The following GUCY2D variants were observed in gnomAD, a reference collection of about 807,000 sequenced individuals.
GUCY2D encodes guanylate cyclase 2D, retinal.
GUCY2D carries 70 observed loss-of-function variants against 101.3 expected under a neutral mutation model. The observed-to-expected ratio is 0.69, with a 90% CI of 0.57 to 0.84. The LOEUF is 0.84. Ranked by LOEUF, GUCY2D falls within the 40% of genes least tolerant of loss-of-function variation. GUCY2D has a pLI of 0.00. For missense variants in GUCY2D, 1,460 were observed against 1,542.5 expected (o/e 0.95, Z 0.90); for synonymous variants, 688 against 670.7 (o/e 1.03, Z -0.40).
At chr17:8,017,980 C>A (rs558231853) in intron 19 of GUCY2D, among the ~76,000 whole-genome samples, 6 of 152,210 alleles carry the variant, frequency 3.9e-5, no homozygotes, top group Non-Finnish European at 8.8e-5. Context: ...AGGTGTGAGA[C>A]ACCGCGCCTG....
chr17:8,007,358 G>T, intron 5 of GUCY2D, 68 bp from the exon 6 acceptor site: 2 of 1,112,062 alleles, frequency 1.8e-6, no homozygotes, highest in Non-Finnish European at 1.4e-6. Context: ...TCCCTCCCCC[G>T]CATCCCCTGC....
rs1268298152 is a variant in GUCY2D, at chr17:8,004,558, C to CTAGCTTT, written c.1026+403_1026+404insAGCTTTT. Among the ~76,000 whole-genome samples the CTAGCTTT allele has an allele frequency of 2.8e-4, 43 of 152,228 alleles. No individual in the cohort carries two copies. In the South Asian group the frequency reaches 8.5e-3, roughly 30 times the overall value. On this transcript the variant is annotated intron_variant, in intron 3 of 19. Coordinates refer to ENST00000254854, the MANE Select transcript of GUCY2D (RefSeq NM_000180.4). ...AGTTCAGAGGTATTTCCTCTGGGGC[C>CTAGCTTT]TCATCTGGTGGTCTTAGCTTTTCAA...
In GUCY2D at chr17:8,008,024, G is replaced by A. The variant is rs1975779836; in HGVS notation, c.1660G>A (p.Val554Ile). The part of the protein sequence containing the change: ...SQHLDSPNIG[V>I]YEGDRVWLKK... ...ACACTTGGACAGCCCCAACATTGGTGTCTATGAGGTGAGCCTGACCCCAGC... is the reference window on the plus strand; with the variant it reads ...ACACTTGGACAGCCCCAACATTGGTATCTATGAGGTGAGCCTGACCCCAGC... Residue 554 changes from valine (V) to isoleucine (I), a missense_variant, in exon 7 of 20, where the codon GTC becomes ATC. By Grantham distance (29) the Val-to-Ile change is conservative (BLOSUM62 3). Around this residue, in one of 3 missense-constraint regions of GUCY2D, gnomAD observed 1,196 missense variants for 1,229.6 expected, o/e 0.97. Coordinates refer to ENST00000254854, the MANE Select transcript of GUCY2D (RefSeq NM_000180.4). The A allele has an allele frequency of 1.2e-6, 2 of 1,603,252 alleles. No homozygotes were observed. Among genetic ancestry groups the A allele is most frequent in the Non-Finnish European group, 1.7e-6 (2 of 1,170,352 alleles).
intron 3 of GUCY2D, among the ~76,000 whole-genome samples, chr17:8,005,224 C>A (rs1167689200): frequency 6.6e-6 from 1 of 152,202 alleles, no homozygotes; most frequent in Admixed American, 6.5e-5. Flanking sequence ...TGTCACTGCC[C>A]TGATTCAGGC....
Position 8,007,937 on chromosome 17 carries a change from C to A in GUCY2D, c.1573C>A (p.Gln525Lys), listed in dbSNP as rs1168076308. The A allele has an allele frequency of 1.2e-6, 2 of 1,609,010 alleles. No individual in the cohort carries two copies. Among genetic ancestry groups the A allele is most frequent in the Admixed American group, 3.3e-5 (2 of 60,008 alleles). Residue 525 changes from glutamine to lysine, a missense_variant, in exon 7 of 20, where the codon CAG (glutamine) becomes AAG (lysine). By Grantham distance (53) the Gln-to-Lys change is moderately conservative (BLOSUM62 1). Coordinates refer to ENST00000254854, the MANE Select transcript of GUCY2D (RefSeq NM_000180.4). ...ATTGACCTCTACCTGCTAGGTGGCC[C>A]AGGGGAGTCGATCAAGTCTGGGTGC... ...PHGGTSRKVA[Q>K]GSRSSLGARS... is the part of the protein sequence containing the mutation.
Position 8,013,631 on chromosome 17 carries a change from T to C in GUCY2D, c.2264-249T>C. 1 of 590,290 alleles carries C rather than the reference T, an allele frequency of 1.7e-6. No homozygotes were observed. The highest frequency in any genetic ancestry group is 3.0e-6 in the Non-Finnish European group (1 of 330,918). 36.6% of individuals were successfully genotyped at this position (590,290 alleles called of 1,614,324 possible). A position where few individuals can be genotyped will look rare whatever the true frequency, so the allele number is the denominator to read the frequency against. On this transcript the variant is annotated intron_variant, in intron 11 of 19. Transcript: ENST00000254854. The surrounding 1 kb of genome is among the most constrained non-coding windows in gnomAD (Gnocchi z 5.0). ...TCACCTATCCCTCACTTGTCTTACA[T>C]ACAATATGTTAGTTTCTTTGCCTAT... is the stretch of plus-strand genomic sequence containing the variant.
chr17:8,006,246 G>A, intron 3 of GUCY2D, 117 bp from the exon 4 acceptor site: 1 of 781,728 alleles, frequency 1.3e-6, no homozygotes, highest in Non-Finnish European at 2.2e-6. Context: ...GGGATCCTGG[G>A]AACAACTAAC....
In GUCY2D at chr17:8,006,651, G is replaced by A. The variant is rs140638938; in HGVS notation, c.1315G>A (p.Gly439Arg). ...SAGTRMHFPR[G>R]GSAPGPDPSC... ...CGGTACCCGGATGCACTTCCCGCGT[G>A]GGGGATCAGCACCCGGACCTGACCC... The change falls in exon 4 of 20, where the codon GGG becomes AGG. Residue 439 changes from glycine (G) to arginine (R), a missense_variant. By Grantham distance (125) the Gly-to-Arg change is moderately radical. Around this residue, in one of 3 missense-constraint regions of GUCY2D, gnomAD observed 1,196 missense variants for 1,229.6 expected, o/e 0.97. Coordinates refer to ENST00000254854, the MANE Select transcript of GUCY2D (RefSeq NM_000180.4). The A allele has an allele frequency of 1.8e-4, 287 of 1,612,710 alleles. 4 individuals are homozygous for A. In the South Asian group the frequency reaches 2.1e-3, roughly 12 times the overall value.
chr17:8,016,509 G>A lies in GUCY2D; in HGVS notation c.3291G>A (p.Ala1097=), dbSNP rs1490101887. 5.7e-6 allele frequency: 9 copies of A among 1,573,472 alleles called. No homozygotes were observed. The highest frequency in any genetic ancestry group is 2.7e-5 in the African/African-American group (2 of 74,182). ...AGCGGCGACGGAAGCTGGAGAAGGC[G>A]CGGCCGGGCCAGTTCTCTTGAGAAG... ...PPERRRKLEK[A]RPGQFS The change falls in exon 19 of 20, where the codon GCG becomes GCA. Residue 1097 remains alanine (A), a synonymous_variant. Coordinates refer to ENST00000254854, the MANE Select transcript of GUCY2D (RefSeq NM_000180.4).
In GUCY2D at chr17:8,014,988, G is replaced by A. The variant is rs751882664; in HGVS notation, c.2706G>A (p.Val902=). ...CCATGAGTGAGCCCATTGAGGTTGT[G>A]GACCTGCTCAACGATCTCTACACAC... ...ISAMSEPIEV[V]DLLNDLYTLF... is the part of the protein sequence containing the mutation. The change falls in exon 14 of 20, where the codon GTG becomes GTA. Residue 902 remains valine, a synonymous_variant. Transcript: ENST00000254854. The surrounding 1 kb of genome is among the most constrained non-coding windows in gnomAD (Gnocchi z 4.0). 6.2e-7 allele frequency: 1 copy of A among 1,605,870 alleles called. No homozygotes were observed. The highest frequency in any genetic ancestry group is 1.1e-5 in the South Asian group (1 of 90,142).
Position 8,006,371 on chromosome 17 carries a change from A to C in GUCY2D, c.1035A>C (p.Pro345=). 1 of 1,599,920 alleles carries C rather than the reference A, an allele frequency of 6.3e-7. No individual in the cohort carries two copies. Among genetic ancestry groups the C allele is most frequent in the Non-Finnish European group, 8.5e-7 (1 of 1,179,804 alleles). The change falls in exon 4 of 20, where the codon CCA becomes CCC. Residue 345 remains proline (P), a synonymous_variant. Coordinates refer to ENST00000254854, the MANE Select transcript of GUCY2D (RefSeq NM_000180.4). ...CTACTCTCCTTCTCCAGGTCTCCCC[A>C]CTCTTTGGCACCATCTATGACGCGG... The part of the protein sequence containing the change: ...PSDLNLQQVS[P]LFGTIYDAVF...
At chr17:8,005,079 C>G (rs1975713256) in intron 3 of GUCY2D, among the ~76,000 whole-genome samples, 1 of 152,150 alleles carries the variant, frequency 6.6e-6, no homozygotes, top group Non-Finnish European at 1.5e-5. Context: ...TCTCCACTGC[C>G]CAAACTGCGC....
At chr17:8,018,727 G>A (rs1040241172) in intron 19 of GUCY2D, among the ~76,000 whole-genome samples, 9 of 151,992 alleles carry the variant, frequency 5.9e-5, no homozygotes, top group Non-Finnish European at 7.4e-5. Context: ...GAGACACCAA[G>A]ATTTTTTGAA....
At position 8,006,593 on chromosome 17, in the gene GUCY2D, G is replaced by T. The variant is rs202111469; in HGVS notation, c.1257G>T (p.Met419Ile). The T allele has an allele frequency of 6.2e-7, 1 of 1,613,552 alleles. No homozygotes were observed. The highest frequency in any genetic ancestry group is 8.5e-7 in the Non-Finnish European group (1 of 1,179,956). ...AAGDRLFATY[M>I]LDPARGSFLS... ...GAGACCGGCTTTTTGCCACATACAT[G>T]CTGGATCCTGCCCGGGGCTCCTTCC... The change falls in exon 4 of 20, where the codon ATG becomes ATT. Residue 419 changes from methionine to isoleucine, a missense_variant. Met to Ile is a conservative substitution (Grantham distance 10, BLOSUM62 1). Around this residue, in one of 3 missense-constraint regions of GUCY2D, gnomAD observed 1,196 missense variants for 1,229.6 expected, o/e 0.97. Coordinates refer to ENST00000254854, the MANE Select transcript of GUCY2D (RefSeq NM_000180.4).
Position 8,009,495 on chromosome 17 carries a change from C to T in GUCY2D, c.1669-11C>T. ...AGACTGAGTTCCCTACCCCCATCCTCTTTGCTGCAGGGAGACAGGGTTTGG... is the reference window on the plus strand; with the variant it reads ...AGACTGAGTTCCCTACCCCCATCCTTTTTGCTGCAGGGAGACAGGGTTTGG... On this transcript the variant is annotated splice_polypyrimidine_tract_variant and intron_variant, in intron 7 of 19. Coordinates refer to ENST00000254854, the MANE Select transcript of GUCY2D (RefSeq NM_000180.4). 1 of 1,599,476 alleles carries T rather than the reference C, an allele frequency of 6.3e-7. No individual in the cohort carries two copies. The highest frequency in any genetic ancestry group is 8.6e-7 in the Non-Finnish European group (1 of 1,166,660).
intron 3 of GUCY2D, 141 bp downstream of exon 3, chr17:8,004,297 T>G: frequency 1.3e-6 from 1 of 767,274 alleles, no homozygotes; most frequent in Non-Finnish European, 2.0e-6. Flanking sequence ...GTAGAGGCTC[T>G]GGCCCCACTT....
chr17:8,018,077 C>T (rs1976009854), intron 19 of GUCY2D, among the ~76,000 whole-genome samples: 1 of 152,180 alleles, frequency 6.6e-6, no homozygotes, highest in Admixed American at 6.5e-5. Context: ...AGAGCCTGGG[C>T]CTTGGCACAT....
chr17:8,015,479 G>A lies in GUCY2D; in HGVS notation c.2921G>A (p.Arg974His), dbSNP rs776083430. 8.7e-6 allele frequency: 14 copies of A among 1,612,634 alleles called. No individual in the cohort carries two copies. Among genetic ancestry groups the A allele is most frequent in the Admixed American group, 5.0e-5 (3 of 59,980 alleles). ...RMRHMPEVPV[R>H]IRIGLHSGPC... ...CGCCATATGCCTGAGGTTCCCGTGC[G>A]CATCCGCATAGGCCTGCACTCGGGT... The change falls in exon 15 of 20, where the codon CGC becomes CAC. Residue 974 changes from arginine (R) to histidine (H), a missense_variant. Around this residue, in one of 3 missense-constraint regions of GUCY2D, gnomAD observed 215 missense variants for 227.9 expected, o/e 0.94. Coordinates refer to ENST00000254854, the MANE Select transcript of GUCY2D (RefSeq NM_000180.4).
chr17:8,019,550 T>C (rs145344081), intron 19 of GUCY2D, among the ~76,000 whole-genome samples: 4 of 152,176 alleles, frequency 2.6e-5, no homozygotes, highest in Admixed American at 6.5e-5. Context: ...CTAGAAGAAC[T>C]TGGGGAACCC....
Sources: allele counts gnomAD v4.1 joint callset (sites outside exome capture counted in the v4.1 genomes callset), GRCh38; gene constraint gnomAD v4.1.1; regional missense constraint gnomAD v4.1.1; non-coding constraint Gnocchi (gnomAD v3.1); transcripts MANE v1.5; gene names NCBI Gene and HGNC (gene_info 2026-07-23, HGNC 2026-07-21).